AZIN1: variants seen among roughly 807,000 people sequenced by gnomAD.
AZIN1 encodes the protein antizyme inhibitor 1, also known as ornithine decarboxylase antizyme inhibitor.
AZIN1 carries 12 observed loss-of-function variants against 47.4 expected under a neutral mutation model. That is an observed-to-expected ratio of 0.25 (90% confidence interval 0.16 to 0.41). The LOEUF is 0.41. AZIN1 is among the 10% of genes least tolerant of loss of function. AZIN1 has a pLI of 1.00. For synonymous variants in AZIN1, 155 were observed against 176.3 expected, an observed-to-expected ratio of 0.88 and a Z score of 0.96; for missense variants, 410 against 532.4, an observed-to-expected ratio of 0.77 and a Z score of 2.26.
At chr8:102,831,879 C>A (rs930565195) in intron 9 of AZIN1, among the ~76,000 whole-genome samples, 1 of 151,850 alleles carries the variant, frequency 6.6e-6, no homozygotes, top group Non-Finnish European at 1.5e-5. Flanking sequence ...CTGCTTAAGC[C>A]GGGAGGTGGA....
Position 102,828,534 on chromosome 8 carries a change from C to T in AZIN1, c.*33G>A, listed in dbSNP as rs769852042. 1 of 1,411,842 alleles carries T rather than the reference C, an allele frequency of 7.1e-7. No homozygotes were observed. The highest frequency in any genetic ancestry group is 9.9e-7 in the Non-Finnish European group (1 of 1,010,082). 87.5% of individuals were successfully genotyped at this position (1,411,842 alleles called of 1,614,324 possible). A position where few individuals can be genotyped will look rare whatever the true frequency, so the allele number is the denominator to read the frequency against. On this transcript the variant is annotated 3_prime_UTR_variant, in exon 12 of 12. Transcript: ENST00000337198. ...ATGTTGACCAGACAAGCTTAACCTG[C>T]AACTTCAGATCTAAAGAAGCGTTAA... is the stretch of plus-strand genomic sequence containing the variant.
intron 2 of AZIN1, among the ~76,000 whole-genome samples, 198 bp from the exon 3 acceptor site, chr8:102,843,945 G>T (rs1812389000): frequency 6.6e-6 from 1 of 151,968 alleles, no homozygotes; most frequent in South Asian, 2.1e-4. Flanking sequence ...ACCCAAAAAG[G>T]TCAATATAAT....
At chr8:102,846,103 T>G (rs1166694862) in intron 2 of AZIN1, among the ~76,000 whole-genome samples, 1 of 152,214 alleles carries the variant, frequency 6.6e-6, no homozygotes, top group Non-Finnish European at 1.5e-5. Flanking sequence ...CTTTGGTTAT[T>G]GATTATAAAC....
In AZIN1 at chr8:102,830,318, G is replaced by A. The variant is rs146571272; in HGVS notation, c.905-382C>T. On this transcript the variant is annotated intron_variant, in intron 9 of 11. Transcript: ENST00000337198. ...CTAGAATCCCTTGAATCCGGGAGGC[G>A]GAGGTTACAGTAAGACAGTGAGACA... is the stretch of plus-strand genomic sequence containing the variant. The A allele has an allele frequency of 1.1e-3, 175 of 161,260 alleles. 3 individuals are homozygous for A. The East Asian group carries it at 0.03, about 28-fold the overall frequency. The allele number at this position is 161,260 out of a possible 1,614,324, so 10.0% of individuals were successfully genotyped here.
Position 102,863,882 on chromosome 8 carries a change from C to T in AZIN1, c.-309G>A, listed in dbSNP as rs1813932635. The T allele has an allele frequency of 6.5e-6, 1 of 152,908 alleles. No individual in the cohort carries two copies. Among genetic ancestry groups the T allele is most frequent in the African/African-American group, 2.4e-5 (1 of 41,468 alleles). The allele number at this position is 152,908 out of a possible 1,614,324, so 9.5% of individuals were successfully genotyped here. On this transcript the variant is annotated 5_prime_UTR_variant, in exon 1 of 12. Coordinates refer to ENST00000337198, the MANE Select transcript of AZIN1 (RefSeq NM_148174.4). ...GAATTTTTAAAGAGGGATGTGGTTACCTTGAGCAGAAATACCCAAGGCGGC... is the reference window on the plus strand; with the variant it reads ...GAATTTTTAAAGAGGGATGTGGTTATCTTGAGCAGAAATACCCAAGGCGGC...
In AZIN1 at chr8:102,829,927, G is replaced by A. The variant is rs771724691; in HGVS notation, c.914C>T (p.Thr305Ile). 8 of 1,599,672 alleles carry A rather than the reference G, an allele frequency of 5.0e-6. No homozygotes were observed. The highest frequency in any genetic ancestry group is 1.7e-5 in the Admixed American group (1 of 57,676). ...CATGAAGGCTGGTTCATCACTTCCG[G>A]TTTTTTCTACTGGAATAAAACAGGA... is the stretch of plus-strand genomic sequence containing the variant. The part of the protein sequence containing the change: ...NDKFPSGVEK[T>I]GSDEPAFMYY... The change falls in exon 10 of 12, where the codon ACC (threonine) becomes ATC (isoleucine). Residue 305 changes from threonine (T) to isoleucine (I), a missense_variant. Transcript: ENST00000337198.
At chr8:102,838,147 G>A (rs1417802885) in intron 5 of AZIN1, among the ~76,000 whole-genome samples, 1 of 151,856 alleles carries the variant, frequency 6.6e-6, no homozygotes, top group Non-Finnish European at 1.5e-5. Flanking sequence ...ACAGGTGTGA[G>A]CCACTGCGCC....
chr8:102,834,234 T>C lies in AZIN1; in HGVS notation c.696A>G (p.Leu232=), dbSNP rs773287598. The C allele has an allele frequency of 6.2e-7, 1 of 1,612,578 alleles. No individual in the cohort carries two copies. The highest frequency in any genetic ancestry group is 1.1e-5 in the South Asian group (1 of 90,994). ...TTCCCGTGAATCCTCCACCAATGTCTAACATGTTCATCGTAAAGCCAATTT... is the reference window on the plus strand; with the variant it reads ...TTCCCGTGAATCCTCCACCAATGTCCAACATGTTCATCGTAAAGCCAATTT... ...AGEIGFTMNM[L]DIGGGFTGTE... Residue 232 remains leucine, a synonymous_variant, in exon 8 of 12, where the codon TTA becomes TTG. Coordinates refer to ENST00000337198, the MANE Select transcript of AZIN1 (RefSeq NM_148174.4).
intron 2 of AZIN1, among the ~76,000 whole-genome samples, chr8:102,852,355 C>T (rs1284823888): frequency 6.6e-6 from 1 of 152,128 alleles, no homozygotes; most frequent in Non-Finnish European, 1.5e-5. Context: ...GAGGGCAGAT[C>T]ACCTGAGGTC....
At chr8:102,836,124 A>G in intron 6 of AZIN1, 132 bp downstream of exon 6, 1 of 958,364 alleles carries the variant, frequency 1.0e-6, no homozygotes, top group Non-Finnish European at 1.6e-6. Flanking sequence ...GAAAACACAT[A>G]CATGTGTGTT....
At chr8:102,830,663 G>GTAAAGA (rs1554579043) in intron 9 of AZIN1, among the ~76,000 whole-genome samples, 4 of 147,062 alleles carry the variant, frequency 2.7e-5, no homozygotes, top group African/African-American at 5.0e-5. Flanking sequence ...AAAAAAAAAA[G>GTAAAGA]AAAAGAAAAA....
At chr8:102,833,465 T>G (rs1354263047) in intron 8 of AZIN1, among the ~76,000 whole-genome samples, 1 of 137,696 alleles carries the variant, frequency 7.3e-6, no homozygotes. Context: ...CACTGGTATT[T>G]GTTTTTGTTT....
chr8:102,831,322 A>G (rs950520123), intron 9 of AZIN1, among the ~76,000 whole-genome samples: 1 of 152,182 alleles, frequency 6.6e-6, no homozygotes, highest in East Asian at 1.9e-4. Flanking sequence ...TAATGAAGTT[A>G]GAAATTCAAC....
intron 2 of AZIN1, among the ~76,000 whole-genome samples, chr8:102,855,108 G>A (rs753902419): frequency 6.6e-6 from 1 of 152,132 alleles, no homozygotes; most frequent in Non-Finnish European, 1.5e-5. Context: ...AGGCTGAAGT[G>A]CAATGGCACG....
chr8:102,846,518 T>C (rs576885424), intron 2 of AZIN1, among the ~76,000 whole-genome samples: 2 of 152,288 alleles, frequency 1.3e-5, no homozygotes, highest in African/African-American at 2.4e-5. Flanking sequence ...ATTATCTCCA[T>C]TGATATACTG....
chr8:102,832,734 G>A lies in AZIN1; in HGVS notation c.904+322C>T, dbSNP rs181557314. On this transcript the variant is annotated intron_variant, in intron 9 of 11. Coordinates refer to ENST00000337198, the MANE Select transcript of AZIN1 (RefSeq NM_148174.4). ...TGGCTCACTGCAACCTCTGCCTCCC[G>A]GATTCAAGCGATTTTTGTGCCTCAG... is the stretch of plus-strand genomic sequence containing the variant. 5.9e-3 allele frequency among the ~76,000 whole-genome samples: 902 copies of A among 151,626 alleles called. 4 individuals are homozygous for A. The highest frequency in any genetic ancestry group is 9.0e-3 in the Non-Finnish European group (611 of 67,924).
chr8:102,836,311 A>G lies in AZIN1; in HGVS notation c.529T>C (p.Cys177Arg). The stretch of plus-strand genomic sequence containing the variant: ...TTAGCACATTCCAAGAGATGCCTAC[A>G]GTTCTTCAGGGTAGTGCCAAACTTC... ...NMKFGTTLKN[C>R]RHLLECAKEL... Residue 177 changes from cysteine to arginine, a missense_variant, in exon 6 of 12, where the codon TGT becomes CGT. This residue lies in a region of AZIN1 where 237 missense variants were observed against 309.4 expected (regional missense o/e 0.77). Coordinates refer to ENST00000337198, the MANE Select transcript of AZIN1 (RefSeq NM_148174.4). 6.2e-7 allele frequency: 1 copy of G among 1,613,760 alleles called. No individual in the cohort carries two copies. The highest frequency in any genetic ancestry group is 2.2e-5 in the East Asian group (1 of 44,880).
chr8:102,847,365 AAAAAC>A (rs1812632573), intron 2 of AZIN1, among the ~76,000 whole-genome samples: 3 of 144,120 alleles, frequency 2.1e-5, no homozygotes, highest in Non-Finnish European at 1.5e-5. Flanking sequence ...AAAAAAAAAA[AAAAAC>A]AATAAAGCTC....
At position 102,854,624 on chromosome 8, in the gene AZIN1, A is replaced by T. The variant is rs866689278; in HGVS notation, c.-96+3389T>A. On this transcript the variant is annotated intron_variant, in intron 2 of 11. Transcript: ENST00000337198. ...AAAAAAAAAATATATATATATATAT[A>T]TATTTTTTTTCCCTAGTTAAAATAA... The T allele has an allele frequency of 1.1e-3, 140 of 126,194 alleles. 1 individual carries two copies. Among genetic ancestry groups the T allele is most frequent in the African/African-American group, 3.3e-3 (104 of 31,344 alleles). The allele number at this position is 126,194 out of a possible 1,614,324, so 7.8% of individuals were successfully genotyped here.
Sources: allele counts gnomAD v4.1 joint callset (sites outside exome capture counted in the v4.1 genomes callset), GRCh38; gene constraint gnomAD v4.1.1; regional missense constraint gnomAD v4.1.1; transcripts MANE v1.5; gene names NCBI Gene and HGNC (gene_info 2026-07-23, HGNC 2026-07-21).